The following SYMPK variants were observed in gnomAD, a reference collection of about 807,000 sequenced individuals.
The protein encoded by SYMPK is symplekin.
In SYMPK, 49 loss-of-function variants were observed where a neutral mutation model predicts 136.4. That is an observed-to-expected ratio of 0.36 (90% CI 0.29 to 0.46). The LOEUF (loss-of-function observed/expected upper bound fraction) is 0.46, where lower values mean the gene tolerates loss of function less well. SYMPK is among the 20% of genes least tolerant of loss of function. SYMPK has a pLI of 1.00. For synonymous variants in SYMPK, 766 were observed against 713.0 expected (o/e 1.07, Z -1.19); for missense variants, 1,365 against 1,690.0 (o/e 0.81, Z 3.37).
rs963859405 is a variant in SYMPK, at chr19:45,838,443, C to G, written c.1242+18G>C. On this transcript the variant is annotated intron_variant, in intron 10 of 26. Transcript: ENST00000245934. ...TTCCTTCCTGCCCAGGGGGAAAACG[C>G]TCCCCACCCATCCTCACCAGATTAG... is the stretch of plus-strand genomic sequence containing the variant. 4 of 1,603,768 alleles carry G rather than the reference C, an allele frequency of 2.5e-6. No individual in the cohort carries two copies. In the East Asian group the frequency reaches 9.0e-5, roughly 36 times the overall value.
At chr19:45,831,872 C>T (rs1971184527) in intron 11 of SYMPK, among the ~76,000 whole-genome samples, 1 of 149,338 alleles carries the variant, frequency 6.7e-6, no homozygotes, top group African/African-American at 2.5e-5. Flanking sequence ...GTCACTCTGT[C>T]ACCCAGGCTG....
intron 1 of SYMPK, among the ~76,000 whole-genome samples, chr19:45,860,609 T>C (rs1186987350): frequency 2.0e-5 from 3 of 152,184 alleles, no homozygotes; most frequent in Non-Finnish European, 4.4e-5. Context: ...TGAATTAATA[T>C]GTATATATTA....
At chr19:45,828,126 A>C in intron 14 of SYMPK, 1 of 544,886 alleles carries the variant, frequency 1.8e-6, no homozygotes, top group East Asian at 3.1e-5. Context: ...CCTCTCTGAA[A>C]CTCATTTCTT....
intron 6 of SYMPK, 132 bp downstream of exon 6, chr19:45,848,618 C>G: frequency 1.6e-6 from 2 of 1,264,790 alleles, no homozygotes; most frequent in Non-Finnish European, 1.1e-6. Context: ...TCCATGTTAT[C>G]TGTTCCCACA....
intron 14 of SYMPK, 72 bp from the exon 15 acceptor site, chr19:45,827,990 T>C: frequency 6.9e-7 from 1 of 1,445,298 alleles, no homozygotes; most frequent in East Asian, 2.3e-5. Flanking sequence ...TGCTGAATTG[T>C]AGGAGCTCAG....
In SYMPK at chr19:45,848,983, C is replaced by T. The variant is rs1971631908; in HGVS notation, c.300-107G>A. 3.7e-6 allele frequency: 5 copies of T among 1,354,614 alleles called. No homozygotes were observed. In the South Asian group the frequency reaches 6.2e-5, roughly 17 times the overall value. The allele number at this position is 1,354,614 out of a possible 1,614,324, so 83.9% of individuals were successfully genotyped here. ...GAAATCAGGGACCTGTCTCAGGGGA[C>T]CGGAATGGCACATCCAGAAGCTGGG... On this transcript the variant is annotated intron_variant, in intron 5 of 26. Coordinates refer to ENST00000245934, the MANE Select transcript of SYMPK (RefSeq NM_004819.3).
At chr19:45,850,420 CAAAT>C (rs978228303) in intron 5 of SYMPK, among the ~76,000 whole-genome samples, 11 of 152,164 alleles carry the variant, frequency 7.2e-5, no homozygotes, top group African/African-American at 1.9e-4. Context: ...GCCTTACAAA[CAAAT>C]ATTTAATACA....
At chr19:45,854,316 C>T (rs1971768657) in intron 2 of SYMPK, 75 bp downstream of exon 2, 5 of 1,604,278 alleles carry the variant, frequency 3.1e-6, no homozygotes, top group Non-Finnish European at 4.3e-6. Flanking sequence ...ACTCCCAGGG[C>T]TCTGCCACCT....
At chr19:45,817,417 C>CTTTTTTTTTTTTTTT (rs559430104) in intron 23 of SYMPK, among the ~76,000 whole-genome samples, 10 of 108,480 alleles carry the variant, frequency 9.2e-5, no homozygotes, top group Non-Finnish European at 1.5e-4. Context: ...TTTTTGTTCT[C>CTTTTTTTTTTTTTTT]TTTTTTTTTT....
At chr19:45,837,578 C>T in intron 10 of SYMPK, among the ~76,000 whole-genome samples, 1 of 137,482 alleles carries the variant, frequency 7.3e-6, no homozygotes. Flanking sequence ...GATCGCGCCA[C>T]TGCACTCCAG....
At chr19:45,837,046 G>T (rs1481650990) in intron 10 of SYMPK, among the ~76,000 whole-genome samples, 3 of 151,942 alleles carry the variant, frequency 2.0e-5, no homozygotes, top group Admixed American at 1.3e-4. Flanking sequence ...AAAACCGTGG[G>T]AACAAACATT....
At chr19:45,837,151 A>G (rs1347782475) in intron 10 of SYMPK, among the ~76,000 whole-genome samples, 1 of 152,242 alleles carries the variant, frequency 6.6e-6, no homozygotes, top group Admixed American at 6.5e-5. Flanking sequence ...GTTATTTGAG[A>G]TGACTGAAAA....
chr19:45,844,566 T>C (rs1971516012), intron 7 of SYMPK, among the ~76,000 whole-genome samples: 1 of 151,904 alleles, frequency 6.6e-6, no homozygotes, highest in Non-Finnish European at 1.5e-5. Flanking sequence ...TCCCAGCTAC[T>C]TGGGAGGCTG....
chr19:45,851,135 G>C (rs1404576738), intron 5 of SYMPK, among the ~76,000 whole-genome samples: 1 of 152,172 alleles, frequency 6.6e-6, no homozygotes, highest in Non-Finnish European at 1.5e-5. Context: ...GGTGTGCCAA[G>C]ACTGATTTAC....
At chr19:45,823,654 C>G (rs1412463999) in intron 19 of SYMPK, 113 bp downstream of exon 19, 1 of 1,044,392 alleles carries the variant, frequency 9.6e-7, no homozygotes, top group Non-Finnish European at 1.4e-6. Flanking sequence ...AGGACAGGCA[C>G]AGACCCGCAA....
chr19:45,823,651 G>T, intron 19 of SYMPK, 116 bp downstream of exon 19: 1 of 1,018,800 alleles, frequency 9.8e-7, no homozygotes. Flanking sequence ...CCTAGGACAG[G>T]CACAGACCCG....
At chr19:45,847,519 T>C (rs1356092193) in intron 7 of SYMPK, among the ~76,000 whole-genome samples, 5 of 152,164 alleles carry the variant, frequency 3.3e-5, no homozygotes, top group South Asian at 2.1e-4. Flanking sequence ...TACTATGTTA[T>C]CGTCTCCAAT....
At chr19:45,827,429 A>G in intron 16 of SYMPK, 81 bp downstream of exon 16, 1 of 922,148 alleles carries the variant, frequency 1.1e-6, no homozygotes, top group South Asian at 1.4e-5. Flanking sequence ...AGTGTGGAAG[A>G]CGTGGGCTGG....
intron 7 of SYMPK, among the ~76,000 whole-genome samples, chr19:45,845,586 A>T (rs1021132259): frequency 4.6e-5 from 7 of 151,902 alleles, no homozygotes; most frequent in Non-Finnish European, 1.0e-4. Context: ...CATTTTCTTT[A>T]TCTATTACTC....
Sources: allele counts gnomAD v4.1 joint callset (sites outside exome capture counted in the v4.1 genomes callset), GRCh38; gene constraint gnomAD v4.1.1; transcripts MANE v1.5; gene names NCBI Gene and HGNC (gene_info 2026-07-23, HGNC 2026-07-21).